The following RAB11FIP4 variants were observed in gnomAD, a reference collection of about 807,000 sequenced individuals.
RAB11FIP4 encodes rab11 family-interacting protein 4.
RAB11FIP4 carries 23 observed loss-of-function variants against 74.3 expected under a neutral mutation model. The ratio of observed to expected loss-of-function variants is 0.31; its 90% CI spans 0.22 to 0.44. The LOEUF (loss-of-function observed/expected upper bound fraction) is 0.44. Ranked by LOEUF, RAB11FIP4 falls within the 20% of genes least tolerant of loss-of-function variation. The pLI, the probability that RAB11FIP4 is intolerant of heterozygous loss-of-function variation, is 1.00. For synonymous variants in RAB11FIP4, 360 were observed against 359.9 expected (o/e 1.00, Z 0.00); for missense variants, 630 against 863.9 (o/e 0.73, Z 3.39).
intron 3 of RAB11FIP4, among the ~76,000 whole-genome samples, chr17:31,486,210 G>A (rs1256894191): frequency 8.6e-5 from 13 of 151,910 alleles, no homozygotes; most frequent in Non-Finnish European, 2.9e-5. Flanking sequence ...CTCCAGCCTG[G>A]GCAACAGAAT....
chr17:31,482,087 A>C (rs1429341787), intron 3 of RAB11FIP4, among the ~76,000 whole-genome samples: 1 of 152,200 alleles, frequency 6.6e-6, no homozygotes, highest in East Asian at 1.9e-4. Context: ...TGTGCTGTCC[A>C]GCTAAAAGCT....
chr17:31,524,840 G>T (rs935579962), intron 9 of RAB11FIP4: 11 of 573,108 alleles, frequency 1.9e-5, no homozygotes, highest in Non-Finnish European at 3.4e-5. Context: ...GGTGGGGGCG[G>T]TCCCTCCCTG....
At chr17:31,475,052 G>C (rs1404854374) in intron 3 of RAB11FIP4, among the ~76,000 whole-genome samples, 1 of 152,142 alleles carries the variant, frequency 6.6e-6, no homozygotes, top group Non-Finnish European at 1.5e-5. Context: ...AACTCATAGA[G>C]AAGGAGAAAT....
At chr17:31,505,596 T>TAA (rs2072322469) in intron 3 of RAB11FIP4, among the ~76,000 whole-genome samples, 2 of 66,348 alleles carry the variant, frequency 3.0e-5, no homozygotes, top group African/African-American at 1.3e-4. Flanking sequence ...TAATTATATA[T>TAA]TATATAATAA....
At position 31,406,692 on chromosome 17, in the gene RAB11FIP4, C is replaced by T. The variant is rs180786350; in HGVS notation, c.159+14681C>T. ...TTTCTTTCTGCATAAACTGTCCTAT[C>T]GATCTTTTTTCAGCATTTATCAAGG... On this transcript the variant is annotated intron_variant, in intron 1 of 14. Coordinates refer to ENST00000621161, the MANE Select transcript of RAB11FIP4 (RefSeq NM_032932.6). 3.3e-5 allele frequency among the ~76,000 whole-genome samples: 5 copies of T among 152,254 alleles called. No homozygotes were observed. The East Asian group carries it at 7.7e-4, about 23-fold the overall frequency.
intron 3 of RAB11FIP4, among the ~76,000 whole-genome samples, chr17:31,460,179 C>T (rs1012389824): frequency 3.9e-5 from 6 of 152,170 alleles, no homozygotes; most frequent in African/African-American, 1.4e-4. Context: ...GGAGCAAGCA[C>T]GTTGGAGACT....
At chr17:31,488,365 C>A (rs2071942226) in intron 3 of RAB11FIP4, 1 of 1,080,380 alleles carries the variant, frequency 9.3e-7, no homozygotes, top group Non-Finnish European at 1.1e-6. Flanking sequence ...TGGCGGAGAG[C>A]GGACTTGGCC....
chr17:31,434,152 A>T (rs763486952), intron 3 of RAB11FIP4, 30 bp downstream of exon 3: 2 of 1,522,898 alleles, frequency 1.3e-6, no homozygotes, highest in Non-Finnish European at 1.8e-6. Flanking sequence ...AAGGACCTCC[A>T]TGGCTCTGCC....
chr17:31,458,662 T>C (rs559208809), intron 3 of RAB11FIP4, among the ~76,000 whole-genome samples: 2 of 152,272 alleles, frequency 1.3e-5, no homozygotes, highest in East Asian at 3.9e-4. Context: ...TTCAAAATGC[T>C]CATGTGCACC....
In RAB11FIP4 at chr17:31,523,286, C is replaced by T. The variant is rs546464354; in HGVS notation, c.930-226C>T. The T allele has an allele frequency of 2.8e-5, 16 of 581,202 alleles. No individual in the cohort carries two copies. In the East Asian group the frequency reaches 4.0e-4, roughly 15 times the overall value. The allele number at this position is 581,202 out of a possible 1,614,324, so 36.0% of individuals were successfully genotyped here. On this transcript the variant is annotated intron_variant, in intron 7 of 14. Coordinates refer to ENST00000621161, the MANE Select transcript of RAB11FIP4 (RefSeq NM_032932.6). ...CGCAGGAGAAGCTGTGCGTCATTGGCTGTGTCTGCCAGGGGACCCCGGGGG... is the reference window on the plus strand; with the variant it reads ...CGCAGGAGAAGCTGTGCGTCATTGGTTGTGTCTGCCAGGGGACCCCGGGGG...
At chr17:31,509,094 A>G (rs1463123958) in intron 3 of RAB11FIP4, 1 of 152,644 alleles carries the variant, frequency 6.6e-6, no homozygotes, top group Non-Finnish European at 1.5e-5. Context: ...CTGAGGTTCC[A>G]CAGCCAGTGT....
At chr17:31,466,884 G>A (rs1404580381) in intron 3 of RAB11FIP4, among the ~76,000 whole-genome samples, 2 of 152,144 alleles carry the variant, frequency 1.3e-5, no homozygotes, top group African/African-American at 4.8e-5. Flanking sequence ...GCTTTATTAT[G>A]TCAATTCTTA....
At chr17:31,472,139 G>A (rs1287365685) in intron 3 of RAB11FIP4, among the ~76,000 whole-genome samples, 1 of 144,064 alleles carries the variant, frequency 6.9e-6, no homozygotes, top group African/African-American at 2.6e-5. Flanking sequence ...TCCAGCCTGG[G>A]CAAAAAGAGC....
intron 3 of RAB11FIP4, among the ~76,000 whole-genome samples, chr17:31,447,164 G>A (rs1188140234): frequency 6.6e-6 from 1 of 152,180 alleles, no homozygotes; most frequent in Non-Finnish European, 1.5e-5. Flanking sequence ...GGCGCCTGTA[G>A]TCCCAGCTAC....
chr17:31,527,972 CT>C (rs998576511), intron 11 of RAB11FIP4, 49 bp downstream of exon 11: 4 of 1,425,170 alleles, frequency 2.8e-6, no homozygotes, highest in Non-Finnish European at 3.9e-6. Context: ...CATCGGGAGC[CT>C]TTAGTTTATT....
chr17:31,523,241 C>T (rs982862246), intron 7 of RAB11FIP4: 23 of 503,542 alleles, frequency 4.6e-5, no homozygotes, highest in Admixed American at 3.5e-4. Flanking sequence ...AGCATGCTGG[C>T]GTGAAGAGGG....
Position 31,523,538 on chromosome 17 carries a change from G to C in RAB11FIP4, c.956G>C (p.Ser319Thr), listed in dbSNP as rs376256157. The change falls in exon 8 of 15, where the codon AGC (serine) becomes ACC (threonine). Residue 319 changes from serine to threonine, a missense_variant. Transcript: ENST00000621161. ...CAGCTCATGCACAGCAGCAACTTCAGCAGCAGCAATGGCAGCACCGAAGAC... is the reference window on the plus strand; with the variant it reads ...CAGCTCATGCACAGCAGCAACTTCACCAGCAGCAATGGCAGCACCGAAGAC... ...GRQLMHSSNF[S>T]SSNGSTEDLF... 7 of 1,613,992 alleles carry C rather than the reference G, an allele frequency of 4.3e-6. No individual in the cohort carries two copies. The highest frequency in any genetic ancestry group is 5.1e-6 in the Non-Finnish European group (6 of 1,180,016).
intron 1 of RAB11FIP4, among the ~76,000 whole-genome samples, chr17:31,408,552 T>C (rs2071063417): frequency 6.6e-6 from 1 of 152,230 alleles, no homozygotes; most frequent in East Asian, 1.9e-4. Flanking sequence ...ATCTCACCAC[T>C]GGTATGAATT....
Position 31,412,844 on chromosome 17 carries a change from G to A in RAB11FIP4, c.160-18969G>A, listed in dbSNP as rs866011357. On this transcript the variant is annotated intron_variant, in intron 1 of 14. Transcript: ENST00000621161. ...CCGTGGTGGAGAGATTGACCAGTGG[G>A]CAGTGAGGTGAGGAGCAGTACCTGC... Among the ~76,000 whole-genome samples the A allele has an allele frequency of 2.0e-5, 3 of 152,222 alleles. No homozygotes were observed. In the South Asian group the frequency reaches 6.2e-4, roughly 31 times the overall value.
Sources: allele counts gnomAD v4.1 joint callset (sites outside exome capture counted in the v4.1 genomes callset), GRCh38; gene constraint gnomAD v4.1.1; transcripts MANE v1.5; gene names NCBI Gene and HGNC (gene_info 2026-07-23, HGNC 2026-07-21).